The following SGCZ variants were observed in gnomAD, a reference collection of about 807,000 sequenced individuals.
SGCZ encodes the protein sarcoglycan zeta.
SGCZ carries 40 observed loss-of-function variants against 41.3 expected under a neutral mutation model. The observed-to-expected ratio is 0.97, with a 90% CI of 0.75 to 1.26. The LOEUF (loss-of-function observed/expected upper bound fraction) is 1.26, where lower values mean the gene tolerates loss of function less well. Among genes scored for constraint, SGCZ ranks in the 50% most tolerant of loss-of-function variants. The probability of loss-of-function intolerance (pLI) is 0.00; values close to 1 mark genes in which losing one functional copy is unlikely to be tolerated. For synonymous variants in SGCZ, 206 were observed against 137.5 expected (o/e 1.50, Z -3.49); for missense variants, 552 against 369.8 (o/e 1.49, Z -4.04).
chr8:14,275,832 T>C (rs1045856321), intron 3 of SGCZ, among the ~76,000 whole-genome samples: 6 of 152,286 alleles, frequency 3.9e-5, no homozygotes, highest in South Asian at 4.1e-4. Context: ...TCCACCCCTG[T>C]AGGAGTTACT....
chr8:15,063,919 A>C (rs1805030516), intron 1 of SGCZ, among the ~76,000 whole-genome samples: 1 of 152,134 alleles, frequency 6.6e-6, no homozygotes, highest in African/African-American at 2.4e-5. Context: ...CCCTGAGTCA[A>C]GGTTTGTATT....
chr8:15,047,980 C>T (rs1804374107), intron 1 of SGCZ, among the ~76,000 whole-genome samples: 1 of 151,966 alleles, frequency 6.6e-6, no homozygotes, highest in Non-Finnish European at 1.5e-5. Flanking sequence ...AACCCCACTA[C>T]TGGATATATA....
chr8:14,530,156 A>G (rs754452229), intron 2 of SGCZ, among the ~76,000 whole-genome samples: 1 of 152,034 alleles, frequency 6.6e-6, no homozygotes. Flanking sequence ...AATCATCTGA[A>G]CTCTCAGTAA....
At chr8:14,376,065 G>A (rs1193350179) in intron 2 of SGCZ, among the ~76,000 whole-genome samples, 1 of 152,204 alleles carries the variant, frequency 6.6e-6, no homozygotes, top group African/African-American at 2.4e-5. Flanking sequence ...GGTAATCCCA[G>A]CACTTTGGGA....
intron 3 of SGCZ, among the ~76,000 whole-genome samples, chr8:14,315,923 T>G (rs146154230): frequency 1.3e-5 from 2 of 151,726 alleles, no homozygotes; most frequent in Admixed American, 6.6e-5. Context: ...AAAGGCAACA[T>G]TAGGTATTAA....
At chr8:15,112,032 CTGGT>C (rs1353789881) in intron 1 of SGCZ, among the ~76,000 whole-genome samples, 1 of 152,194 alleles carries the variant, frequency 6.6e-6, no homozygotes, top group Non-Finnish European at 1.5e-5. Flanking sequence ...GGCCTGCCTT[CTGGT>C]AACACTATGA....
rs144826274 is a variant in SGCZ, at chr8:14,585,089, A to C, written c.40-30163T>G. Among the ~76,000 whole-genome samples, 45 of 152,274 alleles carry C rather than the reference A, an allele frequency of 3.0e-4. No homozygotes were observed. The East Asian group carries it at 8.5e-3, about 29-fold the overall frequency. ...AGAATAAATGTGAAGTATTCTGAAA[A>C]GGTCAATACTTAACTGATCCCTGCA... On this transcript the variant is annotated intron_variant, in intron 1 of 7. Coordinates refer to ENST00000382080, the MANE Select transcript of SGCZ (RefSeq NM_139167.4).
intron 1 of SGCZ, among the ~76,000 whole-genome samples, chr8:14,630,298 G>A (rs1031969949): frequency 6.6e-6 from 1 of 151,740 alleles, no homozygotes; most frequent in Non-Finnish European, 1.5e-5. Context: ...GTGGAAAAAT[G>A]CTTGCCTCTA....
At chr8:15,196,201 T>C (rs1348102349) in intron 1 of SGCZ, among the ~76,000 whole-genome samples, 1 of 152,160 alleles carries the variant, frequency 6.6e-6, no homozygotes, top group East Asian at 1.9e-4. Context: ...CCGGCCAGGC[T>C]TCGATTTTTT....
intron 4 of SGCZ, among the ~76,000 whole-genome samples, chr8:14,173,112 A>G (rs1162736270): frequency 1.3e-5 from 2 of 152,114 alleles, no homozygotes; most frequent in South Asian, 2.1e-4. Flanking sequence ...AAAGTCTAAA[A>G]TCATACTTGA....
chr8:14,328,318 T>A (rs940680895), intron 2 of SGCZ, among the ~76,000 whole-genome samples: 1 of 152,194 alleles, frequency 6.6e-6, no homozygotes, highest in Non-Finnish European at 1.5e-5. Context: ...AAATGATTTG[T>A]TAATTTTCTG....
At chr8:14,587,529 C>A (rs1805100437) in intron 1 of SGCZ, among the ~76,000 whole-genome samples, 1 of 152,094 alleles carries the variant, frequency 6.6e-6, no homozygotes, top group African/African-American at 2.4e-5. Flanking sequence ...TTAAGATATG[C>A]TTACAACTTG....
chr8:14,260,993 C>T (rs10112350), intron 3 of SGCZ, among the ~76,000 whole-genome samples: 83,350 of 151,842 alleles, frequency 0.55, 24,352 homozygotes, highest in Non-Finnish European at 0.65. Flanking sequence ...ATATACCTAA[C>T]GCTAGATGAC....
At chr8:14,889,094 C>A (rs1804914106) in intron 1 of SGCZ, among the ~76,000 whole-genome samples, 3 of 152,134 alleles carry the variant, frequency 2.0e-5, no homozygotes, top group Non-Finnish European at 4.4e-5. Flanking sequence ...GCATAATACT[C>A]CTGGAATCTA....
intron 1 of SGCZ, among the ~76,000 whole-genome samples, chr8:15,167,340 G>C (rs1799695225): frequency 6.6e-6 from 1 of 152,204 alleles, no homozygotes; most frequent in Admixed American, 6.5e-5. Flanking sequence ...GAGGAAACTG[G>C]CCTCACGTCC....
intron 2 of SGCZ, among the ~76,000 whole-genome samples, chr8:14,468,652 C>T (rs1801122474): frequency 6.6e-6 from 1 of 152,032 alleles, no homozygotes; most frequent in African/African-American, 2.4e-5. Flanking sequence ...CTTTCTAATG[C>T]CACAGATAAA....
At chr8:15,125,382 G>T (rs947350342) in intron 1 of SGCZ, among the ~76,000 whole-genome samples, 12 of 151,964 alleles carry the variant, frequency 7.9e-5, no homozygotes, top group Admixed American at 6.6e-4. Context: ...GCAACTTCAG[G>T]CCACTTTTCT....
chr8:14,262,892 T>A (rs1799723405), intron 3 of SGCZ, among the ~76,000 whole-genome samples: 1 of 150,728 alleles, frequency 6.6e-6, no homozygotes, highest in Non-Finnish European at 1.5e-5. Flanking sequence ...ATCTTATATA[T>A]TTAAGCACTC....
intron 1 of SGCZ, among the ~76,000 whole-genome samples, chr8:14,651,568 C>G (rs1807399950): frequency 6.6e-6 from 1 of 151,878 alleles, no homozygotes; most frequent in African/African-American, 2.4e-5. Context: ...ATCTTTTTTT[C>G]TTCACTACGC....
Sources: gnomAD v4.1 joint callset for allele counts (sites outside exome capture counted in the v4.1 genomes callset) on GRCh38, gnomAD v4.1.1 for gene constraint, MANE v1.5 for transcripts, NCBI Gene and HGNC (gene_info 2026-07-23, HGNC 2026-07-21) for gene names.